The following NOTCH2NLC variants were observed in gnomAD, a reference collection of about 807,000 sequenced individuals.
NOTCH2NLC encodes notch homolog 2 N-terminal-like protein C.
A neutral mutation model predicts 17.7 loss-of-function variants in NOTCH2NLC; 4 were observed. The observed-to-expected ratio is 0.23, with a 90% CI of 0.11 to 0.52. The LOEUF is 0.52. Among genes scored for constraint, NOTCH2NLC ranks in the 20% least tolerant of loss-of-function variants. NOTCH2NLC has a pLI of 0.96. For missense variants in NOTCH2NLC, 57 were observed against 207.2 expected, an observed-to-expected ratio of 0.28 and a Z score of 4.45; for synonymous variants, 18 against 86.0, an observed-to-expected ratio of 0.21 and a Z score of 4.38.
Position 149,428,760 on chromosome 1 carries a change from G to T in NOTCH2NLC, c.136-2182G>T, listed in dbSNP as rs1286453219. Among the ~76,000 whole-genome samples the T allele has an allele frequency of 1.1e-4, 16 of 148,012 alleles. 1 individual carries two copies. Among genetic ancestry groups the T allele is most frequent in the African/African-American group, 3.7e-4 (15 of 40,460 alleles). On this transcript the variant is annotated intron_variant, in intron 1 of 4. Coordinates refer to ENST00000650865, the MANE Select transcript of NOTCH2NLC (RefSeq NM_001364013.2). The stretch of plus-strand genomic sequence containing the variant: ...AAGTTGTGCTTTGCTTGCAGTTAGG[G>T]GTACAGACAGGATTTCAGGTCTCCT...
chr1:149,424,890 A>T (rs1194111639), intron 1 of NOTCH2NLC, among the ~76,000 whole-genome samples: 1 of 151,252 alleles, frequency 6.6e-6, no homozygotes, highest in Non-Finnish European at 1.5e-5. Flanking sequence ...CTCACATGGT[A>T]GCGAGAACTC....
intron 2 of NOTCH2NLC, among the ~76,000 whole-genome samples, chr1:149,433,571 C>G (rs2084465405): frequency 2.7e-5 from 4 of 146,610 alleles, no homozygotes; most frequent in Non-Finnish European, 6.1e-5. Context: ...CAAATATGTT[C>G]TAAGTGTTCG....
chr1:149,419,855 A>T (rs1263249224), intron 1 of NOTCH2NLC, among the ~76,000 whole-genome samples: 1,052 of 78,242 alleles, frequency 0.013, 52 homozygotes, highest in Admixed American at 0.033. Flanking sequence ...ATATATATAT[A>T]TTTTTTTTTT....
At chr1:149,443,639 G>A (rs2084533432) in intron 2 of NOTCH2NLC, among the ~76,000 whole-genome samples, 1 of 150,676 alleles carries the variant, frequency 6.6e-6, no homozygotes, top group Admixed American at 6.6e-5. Flanking sequence ...AAAGCATTTT[G>A]GGCTGACTGA....
At chr1:149,460,330 CA>C (rs2084635008) in intron 3 of NOTCH2NLC, among the ~76,000 whole-genome samples, 1 of 142,350 alleles carries the variant, frequency 7.0e-6, no homozygotes, top group African/African-American at 2.6e-5. Flanking sequence ...AGATTCTGAT[CA>C]CCTTTTTTTT....
intron 1 of NOTCH2NLC, among the ~76,000 whole-genome samples, chr1:149,394,607 A>G (rs1280898544): frequency 1.3e-5 from 2 of 150,476 alleles, no homozygotes; most frequent in African/African-American, 2.4e-5. Context: ...CCCTTTATCT[A>G]TATACGTCTG....
chr1:149,413,164 TC>T (rs1406216895), intron 1 of NOTCH2NLC, among the ~76,000 whole-genome samples: 2 of 150,756 alleles, frequency 1.3e-5, no homozygotes, highest in African/African-American at 4.9e-5. Flanking sequence ...TGCCTCAGCC[TC>T]CCAGAGTGCT....
intron 3 of NOTCH2NLC, among the ~76,000 whole-genome samples, chr1:149,461,656 C>T (rs1319413819): frequency 6.6e-6 from 1 of 151,332 alleles, no homozygotes; most frequent in Non-Finnish European, 1.5e-5. Flanking sequence ...AATTATAAAT[C>T]GTGCTGCTAT....
intron 1 of NOTCH2NLC, among the ~76,000 whole-genome samples, chr1:149,417,240 G>C (rs2084341170): frequency 6.7e-6 from 1 of 148,216 alleles, no homozygotes; most frequent in South Asian, 2.1e-4. Flanking sequence ...CTCCCAAGTA[G>C]CTGGGATTAC....
At chr1:149,428,254 C>CT (rs1290029935) in intron 1 of NOTCH2NLC, among the ~76,000 whole-genome samples, 1 of 145,194 alleles carries the variant, frequency 6.9e-6, no homozygotes, top group Non-Finnish European at 1.5e-5. Context: ...GTCTAACACT[C>CT]TTTTTTAAAA....
In NOTCH2NLC at chr1:149,460,913, T is replaced by TTCTTTCTC. The variant is rs2084645506; in HGVS notation, c.470-2575_470-2574insTTCTCTCT. Among the ~76,000 whole-genome samples, 289 of 114,438 alleles carry TTCTTTCTC rather than the reference T, an allele frequency of 2.5e-3. 13 individuals carry two copies. Among genetic ancestry groups the TTCTTTCTC allele is most frequent in the East Asian group, 0.024 (82 of 3,460 alleles). 75.1% of individuals were successfully genotyped at this position (114,438 alleles called of 152,430 possible). A position where few individuals can be genotyped will look rare whatever the true frequency, so the allele number is the denominator to read the frequency against. ...TTTCTTTCTTTCTTTCTTTCTTTCT[T>TTCTTTCTC]TCTCTCTCTTTCTCTCTTTCTCTCT... On this transcript the variant is annotated intron_variant, in intron 3 of 4. Transcript: ENST00000650865.
chr1:149,428,804 AG>A (rs2084427040), intron 1 of NOTCH2NLC, among the ~76,000 whole-genome samples: 1 of 150,182 alleles, frequency 6.7e-6, no homozygotes. Context: ...CCACTGCACC[AG>A]GATTCCTGCA....
intron 2 of NOTCH2NLC, among the ~76,000 whole-genome samples, chr1:149,450,126 C>T (rs1414857648): frequency 6.9e-5 from 10 of 144,902 alleles, no homozygotes; most frequent in African/African-American, 2.3e-4. Flanking sequence ...TCAGTTATCT[C>T]GGGTATATAC....
rs1480929002 is a variant in NOTCH2NLC, at chr1:149,428,526, A to G, written c.136-2416A>G. Among the ~76,000 whole-genome samples the G allele has an allele frequency of 6.6e-5, 10 of 150,854 alleles. 2 individuals are homozygous for G. The highest frequency in any genetic ancestry group is 1.5e-4 in the Non-Finnish European group (10 of 67,482). ...TGTCACTGTAATGATTTGTCAGGAC[A>G]CTTAATAGGAACAGGCCGTGATTTT... On this transcript the variant is annotated intron_variant, in intron 1 of 4. Transcript: ENST00000650865.
chr1:149,429,578 C>CTATTAT lies in NOTCH2NLC; in HGVS notation c.136-1358_136-1353dup, dbSNP rs1238232905. Among the ~76,000 whole-genome samples the CTATTAT allele has an allele frequency of 8.2e-4, 124 of 150,850 alleles. 1 individual carries two copies. The highest frequency in any genetic ancestry group is 2.8e-3 in the African/African-American group (113 of 41,020). Reference sequence around the variant, plus strand: ...TATTTAGTAAGTTCTATGTGTTAGCCTATTATTATTACTATTACCATTTAA... The same window carrying CTATTAT: ...TATTTAGTAAGTTCTATGTGTTAGCCTATTATTATTATTATTACTATTACCATTTAA... On this transcript the variant is annotated intron_variant, in intron 1 of 4. Transcript: ENST00000650865.
chr1:149,432,609 A>G (rs2084459386), intron 2 of NOTCH2NLC, among the ~76,000 whole-genome samples: 1 of 151,046 alleles, frequency 6.6e-6, no homozygotes, highest in African/African-American at 2.4e-5. Context: ...TGCTTGCTTT[A>G]TTCTGTTAAC....
At chr1:149,423,292 A>G (rs1195861655) in intron 1 of NOTCH2NLC, among the ~76,000 whole-genome samples, 1 of 150,774 alleles carries the variant, frequency 6.6e-6, no homozygotes, top group Non-Finnish European at 1.5e-5. Context: ...AAGGAGGAAG[A>G]CAGATGTTTC....
chr1:149,440,667 G>A (rs1202870285), intron 2 of NOTCH2NLC, among the ~76,000 whole-genome samples: 145 of 53,776 alleles, frequency 2.7e-3, no homozygotes, highest in East Asian at 0.013. Context: ...AAGGGTGAGA[G>A]GAAGGGAGCT....
chr1:149,413,091 A>G (rs2084308749), intron 1 of NOTCH2NLC, among the ~76,000 whole-genome samples: 1 of 149,548 alleles, frequency 6.7e-6, no homozygotes, highest in African/African-American at 2.5e-5. Context: ...TATTTTTAGT[A>G]GAGACGTGGT....
Sources: allele counts gnomAD v4.1 joint callset (sites outside exome capture counted in the v4.1 genomes callset), GRCh38; gene constraint gnomAD v4.1.1; transcripts MANE v1.5; gene names NCBI Gene and HGNC (gene_info 2026-07-23, HGNC 2026-07-21).